The following NCOA2 variants were observed in gnomAD, a reference collection of about 807,000 sequenced individuals.
The protein encoded by NCOA2 is nuclear receptor coactivator 2, also known as class E basic helix-loop-helix protein 75.
A neutral mutation model predicts 145.1 loss-of-function variants in NCOA2; 21 were observed. That is an observed-to-expected ratio of 0.14 (90% CI 0.10 to 0.21). NCOA2 has a LOEUF of 0.21. Ranked by LOEUF, NCOA2 falls within the 10% of genes least tolerant of loss-of-function variation. The pLI is 1.00. For missense variants in NCOA2, 1,472 were observed against 1,837.6 expected, an observed-to-expected ratio of 0.80 and a Z score of 3.64; for synonymous variants, 619 against 637.5, an observed-to-expected ratio of 0.97 and a Z score of 0.44.
At chr8:70,243,162 A>G (rs1822298480) in intron 2 of NCOA2, among the ~76,000 whole-genome samples, 1 of 152,158 alleles carries the variant, frequency 6.6e-6, no homozygotes, top group African/African-American at 2.4e-5. Flanking sequence ...TCCTAGGGGA[A>G]AAACAAAACC....
intron 6 of NCOA2, among the ~76,000 whole-genome samples, chr8:70,168,342 A>C (rs1278771835): frequency 6.6e-6 from 1 of 152,194 alleles, no homozygotes; most frequent in Non-Finnish European, 1.5e-5. Flanking sequence ...TACTTTTTTG[A>C]GACAGAGTCT....
upstream of NCOA2, among the ~76,000 whole-genome samples, chr8:70,407,881 G>A (rs560483256): frequency 6.6e-6 from 1 of 152,258 alleles, no homozygotes; most frequent in Admixed American, 6.5e-5. Flanking sequence ...ACTGTACACT[G>A]TCACAGGATT....
intron 1 of NCOA2, among the ~76,000 whole-genome samples, chr8:70,314,180 C>CCAA (rs1805368252): frequency 5.8e-5 from 1 of 17,202 alleles, no homozygotes; most frequent in Admixed American, 1.1e-3. Flanking sequence ...ACTCTGACTC[C>CCAA]AAAAAAAAAA....
intron 1 of NCOA2, among the ~76,000 whole-genome samples, chr8:70,380,657 G>A (rs1363410828): frequency 6.6e-6 from 1 of 151,900 alleles, no homozygotes; most frequent in East Asian, 1.9e-4. Context: ...CATTCTCCAA[G>A]CCTAATTGCA....
At chr8:70,261,509 T>C (rs1050096488) in intron 2 of NCOA2, among the ~76,000 whole-genome samples, 1 of 151,986 alleles carries the variant, frequency 6.6e-6, no homozygotes, top group Non-Finnish European at 1.5e-5. Context: ...AGTTAATGGG[T>C]GCAGCACACC....
At chr8:70,124,259 G>A (rs1808160792) in intron 20 of NCOA2, among the ~76,000 whole-genome samples, 177 bp from the exon 21 acceptor site, 1 of 152,168 alleles carries the variant, frequency 6.6e-6, no homozygotes, top group African/African-American at 2.4e-5. Context: ...AGCAGGGGAA[G>A]TGGCATTCAA....
chr8:70,357,999 C>T (rs1168247635), intron 1 of NCOA2, among the ~76,000 whole-genome samples: 2 of 151,806 alleles, frequency 1.3e-5, no homozygotes, highest in Admixed American at 6.6e-5. Flanking sequence ...TGCAGTGAGC[C>T]GAGATCATGC....
intron 1 of NCOA2, among the ~76,000 whole-genome samples, chr8:70,373,664 T>G (rs1811416449): frequency 6.6e-6 from 1 of 152,208 alleles, no homozygotes; most frequent in Non-Finnish European, 1.5e-5. Flanking sequence ...AAAACTTTCA[T>G]AGTTTTAGCT....
chr8:70,329,115 T>C (rs1410038794), intron 1 of NCOA2, among the ~76,000 whole-genome samples: 2 of 152,064 alleles, frequency 1.3e-5, no homozygotes, highest in African/African-American at 4.8e-5. Context: ...CCACCATGCC[T>C]GGCTACTGTT....
intron 21 of NCOA2, among the ~76,000 whole-genome samples, chr8:70,123,428 G>A (rs1808048458): frequency 6.6e-6 from 1 of 152,156 alleles, no homozygotes; most frequent in South Asian, 2.1e-4. Context: ...TGAGGTGGGA[G>A]GACTGCTTGA....
chr8:70,358,227 C>T (rs1809906785), intron 1 of NCOA2, among the ~76,000 whole-genome samples: 1 of 152,082 alleles, frequency 6.6e-6, no homozygotes, highest in African/African-American at 2.4e-5. Flanking sequence ...TATCAAAATT[C>T]CAATGGCCTT....
the NCOA2 span, among the ~76,000 whole-genome samples, chr8:70,429,216 TA>T: frequency 1.2e-4 from 19 of 152,194 alleles, no homozygotes; most frequent in Non-Finnish European, 1.0e-4. Context: ...TGAAGCCTGG[TA>T]AAAATATGTG....
intron 2 of NCOA2, among the ~76,000 whole-genome samples, chr8:70,260,270 T>C (rs1824006665): frequency 6.6e-6 from 1 of 152,230 alleles, no homozygotes; most frequent in East Asian, 1.9e-4. Context: ...CTCGACCTCC[T>C]GGGTTCAAGT....
chr8:70,371,250 C>T (rs1182086881), intron 1 of NCOA2, among the ~76,000 whole-genome samples: 1 of 152,070 alleles, frequency 6.6e-6, no homozygotes, highest in African/African-American at 2.4e-5. Context: ...GATTGCACCA[C>T]TGCACTCCAG....
At chr8:70,445,448 T>C in the NCOA2 span, among the ~76,000 whole-genome samples, 44 of 152,334 alleles carry the variant, frequency 2.9e-4, no homozygotes, top group African/African-American at 1.1e-3. Flanking sequence ...ACTTCAATAA[T>C]ATTGAGCCGA....
chr8:70,184,515 CT>C (rs1018052764), intron 4 of NCOA2, among the ~76,000 whole-genome samples: 1 of 152,116 alleles, frequency 6.6e-6, no homozygotes, highest in Non-Finnish European at 1.5e-5. Context: ...AGGTTAACAG[CT>C]GATAGAGGAA....
chr8:70,434,222 C>T, the NCOA2 span, among the ~76,000 whole-genome samples: 2 of 152,106 alleles, frequency 1.3e-5, no homozygotes, highest in African/African-American at 4.8e-5. Flanking sequence ...CTTCGGTCAT[C>T]GGAACATATG....
At chr8:70,366,616 A>G (rs1344840999) in intron 1 of NCOA2, among the ~76,000 whole-genome samples, 1 of 151,686 alleles carries the variant, frequency 6.6e-6, no homozygotes, top group African/African-American at 2.4e-5. Context: ...TTTCTTTACT[A>G]CTTTGGCTTT....
chr8:70,154,908 C>T (rs1461587899), intron 11 of NCOA2, among the ~76,000 whole-genome samples: 1 of 152,006 alleles, frequency 6.6e-6, no homozygotes, highest in Non-Finnish European at 1.5e-5. Flanking sequence ...GTATTATATG[C>T]CTGAAAATCA....
Sources: gnomAD v4.1 joint callset for allele counts (sites outside exome capture counted in the v4.1 genomes callset) on GRCh38, gnomAD v4.1.1 for gene constraint, MANE v1.5 for transcripts, NCBI Gene and HGNC (gene_info 2026-07-23, HGNC 2026-07-21) for gene names.